PRKG1: variants seen among roughly 807,000 people sequenced by gnomAD.
PRKG1 encodes cGMP-dependent protein kinase 1.
In PRKG1, 35 loss-of-function variants were observed where a neutral mutation model predicts 88.1. That is an observed-to-expected ratio of 0.40 (90% confidence interval 0.30 to 0.53). The LOEUF (loss-of-function observed/expected upper bound fraction) is 0.53. PRKG1 is among the 20% of genes least tolerant of loss of function. The pLI, the probability that PRKG1 is intolerant of heterozygous loss-of-function variation, is 0.59. For missense variants in PRKG1, 540 were observed against 839.8 expected (o/e 0.64, Z 4.41); for synonymous variants, 303 against 292.5 (o/e 1.04, Z -0.37).
At chr10:51,753,193 A>T (rs183033388) in intron 3 of PRKG1, among the ~76,000 whole-genome samples, 161 of 152,212 alleles carry the variant, frequency 1.1e-3, no homozygotes, top group African/African-American at 3.8e-3. Context: ...TTCATTGCTT[A>T]TCTAATCAAT....
chr10:51,633,992 A>C (rs993733088), intron 3 of PRKG1, among the ~76,000 whole-genome samples: 1 of 152,180 alleles, frequency 6.6e-6, no homozygotes, highest in Non-Finnish European at 1.5e-5. Context: ...CCCTCATGTC[A>C]GGATTTAATA....
chr10:51,535,192 A>T (rs530227594), intron 3 of PRKG1, among the ~76,000 whole-genome samples: 1 of 152,276 alleles, frequency 6.6e-6, no homozygotes, highest in Non-Finnish European at 1.5e-5. Flanking sequence ...TCTTTTATGG[A>T]TAGGTAATAT....
At chr10:51,434,345 AG>A (rs1838861196) in intron 2 of PRKG1, among the ~76,000 whole-genome samples, 1 of 152,144 alleles carries the variant, frequency 6.6e-6, no homozygotes, top group African/African-American at 2.4e-5. Context: ...AGCGATTGAA[AG>A]GGGGCAAACT....
At chr10:51,090,542 G>A (rs1844374671) in intron 1 of PRKG1, among the ~76,000 whole-genome samples, 1 of 152,038 alleles carries the variant, frequency 6.6e-6, no homozygotes, top group Non-Finnish European at 1.5e-5. Flanking sequence ...ATGGATTGAT[G>A]AAGTTTATAC....
chr10:51,678,794 C>T (rs1028293635), intron 3 of PRKG1, among the ~76,000 whole-genome samples: 2 of 152,118 alleles, frequency 1.3e-5, no homozygotes, highest in Non-Finnish European at 2.9e-5. Context: ...AAGGCAGAGA[C>T]GAGTGTGTCT....
intron 4 of PRKG1, among the ~76,000 whole-genome samples, chr10:51,891,718 G>T (rs528179440): frequency 6.6e-6 from 1 of 152,136 alleles, no homozygotes; most frequent in Admixed American, 6.5e-5. Flanking sequence ...TTGTCGCAAC[G>T]CAACTACTCA....
At chr10:51,262,229 A>C (rs1271960925) in intron 2 of PRKG1, among the ~76,000 whole-genome samples, 1 of 152,118 alleles carries the variant, frequency 6.6e-6, no homozygotes, top group Non-Finnish European at 1.5e-5. Context: ...TTCCTTTATT[A>C]TTATGATTAA....
At chr10:51,930,679 C>A (rs113774635) in intron 5 of PRKG1, among the ~76,000 whole-genome samples, 1 of 151,386 alleles carries the variant, frequency 6.6e-6, no homozygotes, top group African/African-American at 2.4e-5. Flanking sequence ...TTAGTAGAGA[C>A]GGGGTTTCAC....
At chr10:51,422,721 G>A (rs1838452180) in intron 2 of PRKG1, among the ~76,000 whole-genome samples, 1 of 151,896 alleles carries the variant, frequency 6.6e-6, no homozygotes, top group African/African-American at 2.4e-5. Flanking sequence ...TCCTTTTTAA[G>A]TTTCTTTTTT....
chr10:52,109,199 A>G (rs1433991684), intron 7 of PRKG1, among the ~76,000 whole-genome samples: 1 of 152,182 alleles, frequency 6.6e-6, no homozygotes, highest in Non-Finnish European at 1.5e-5. Context: ...GTGGCTAGGA[A>G]TATAACCAAG....
intron 2 of PRKG1, among the ~76,000 whole-genome samples, chr10:51,333,392 G>A (rs564779793): frequency 6.6e-6 from 1 of 152,316 alleles, no homozygotes; most frequent in South Asian, 2.1e-4. Context: ...ATAACTATGA[G>A]GAAGATACTG....
chr10:51,112,622 T>TA (rs772891788), intron 1 of PRKG1, among the ~76,000 whole-genome samples: 2 of 152,172 alleles, frequency 1.3e-5, no homozygotes, highest in African/African-American at 2.4e-5. Context: ...TCTGGATGTA[T>TA]TATGGAAATA....
chr10:51,016,349 C>CT (rs1843059227), intron 1 of PRKG1, among the ~76,000 whole-genome samples: 1 of 152,020 alleles, frequency 6.6e-6, no homozygotes, highest in African/African-American at 2.4e-5. Context: ...CCCTCTGTTG[C>CT]TTTTTATGTA....
intron 7 of PRKG1, among the ~76,000 whole-genome samples, chr10:52,090,998 G>A (rs1030872947): frequency 1.3e-5 from 2 of 152,036 alleles, no homozygotes; most frequent in African/African-American, 4.8e-5. Context: ...ATTACCATGA[G>A]TTTCGAGGAC....
intron 3 of PRKG1, among the ~76,000 whole-genome samples, chr10:51,504,988 G>T (rs534165353): frequency 1.3e-5 from 2 of 152,060 alleles, no homozygotes; most frequent in African/African-American, 4.8e-5. Flanking sequence ...AATTGCCCTG[G>T]CCAGAACTTC....
chr10:51,478,193 A>G (rs1016440560), intron 3 of PRKG1, among the ~76,000 whole-genome samples: 2 of 152,114 alleles, frequency 1.3e-5, no homozygotes, highest in Admixed American at 1.3e-4. Context: ...CTTTGGACAA[A>G]TTACGAATAG....
At chr10:51,121,854 A>C (rs942838380) in intron 1 of PRKG1, among the ~76,000 whole-genome samples, 2 of 152,182 alleles carry the variant, frequency 1.3e-5, no homozygotes, top group African/African-American at 4.8e-5. Context: ...AATTTTCTGC[A>C]TGGTACAGTT....
At chr10:51,630,358 T>G (rs1839491935) in intron 3 of PRKG1, among the ~76,000 whole-genome samples, 1 of 152,158 alleles carries the variant, frequency 6.6e-6, no homozygotes, top group South Asian at 2.1e-4. Flanking sequence ...TAACCAGCAT[T>G]TTATCATGGA....
intron 3 of PRKG1, among the ~76,000 whole-genome samples, chr10:51,559,434 A>G (rs1373430039): frequency 2.6e-5 from 4 of 152,114 alleles, no homozygotes; most frequent in Admixed American, 2.0e-4. Context: ...AAAAGGCATT[A>G]TTAGTGCGTT....
Sources: allele counts gnomAD v4.1 joint callset (sites outside exome capture counted in the v4.1 genomes callset), GRCh38; gene constraint gnomAD v4.1.1; transcripts MANE v1.5; gene names NCBI Gene and HGNC (gene_info 2026-07-23, HGNC 2026-07-21).